Variants in PLIN3 observed in about 807,000 individuals in gnomAD.
PLIN3 encodes the protein perilipin-3.
In PLIN3, 30 loss-of-function variants were observed where a neutral mutation model predicts 35.9. That is an observed-to-expected ratio of 0.84 (90% CI 0.62 to 1.13). The LOEUF (loss-of-function observed/expected upper bound fraction) is 1.13. Ranked by LOEUF, PLIN3 falls within the 50% of genes most tolerant of loss-of-function variation. The probability of loss-of-function intolerance (pLI) is 0.00; values close to 1 mark genes in which losing one functional copy is unlikely to be tolerated. For missense variants in PLIN3, 603 were observed against 596.9 expected, an observed-to-expected ratio of 1.01 and a Z score of -0.11; for synonymous variants, 261 against 262.5, an observed-to-expected ratio of 0.99 and a Z score of 0.06.
chr19:4,861,937 CTTTT>C (rs557508442), intron 1 of PLIN3, among the ~76,000 whole-genome samples: 1 of 142,578 alleles, frequency 7.0e-6, no homozygotes, highest in African/African-American at 2.6e-5. Context: ...CTGATCCTTT[CTTTT>C]TTTTTTTTCT....
At chr19:4,845,837 T>C (rs934236113) in intron 6 of PLIN3, among the ~76,000 whole-genome samples, 1 of 143,448 alleles carries the variant, frequency 7.0e-6, no homozygotes, top group Non-Finnish European at 1.5e-5. Context: ...GGCAAGAGAA[T>C]GGTGTGAACC....
At chr19:4,850,244 G>A (rs1183128057) in intron 5 of PLIN3, among the ~76,000 whole-genome samples, 1 of 150,374 alleles carries the variant, frequency 6.7e-6, no homozygotes, top group Non-Finnish European at 1.5e-5. Flanking sequence ...GCGCCCAGCT[G>A]CATGTATTTA....
At chr19:4,853,846 G>A (rs1392463910) in intron 4 of PLIN3, among the ~76,000 whole-genome samples, 1 of 151,364 alleles carries the variant, frequency 6.6e-6, no homozygotes, top group African/African-American at 2.4e-5. Context: ...ACAAAAAAAA[G>A]CTTTGCATGG....
intron 1 of PLIN3, among the ~76,000 whole-genome samples, chr19:4,862,038 A>G (rs996759854): frequency 4.6e-5 from 7 of 151,142 alleles, no homozygotes; most frequent in Admixed American, 4.0e-4. Context: ...TCCTGGGCTT[A>G]AGGGATCCTC....
At chr19:4,853,036 A>T (rs1599167458) in intron 4 of PLIN3, among the ~76,000 whole-genome samples, 2 of 150,552 alleles carry the variant, frequency 1.3e-5, no homozygotes, top group African/African-American at 4.9e-5. Flanking sequence ...CTGGTCTCAA[A>T]CTCCTGACCT....
In PLIN3 at chr19:4,839,332, G is replaced by A. The variant is rs1422315015; in HGVS notation, c.1165C>T (p.Gln389Ter). 6.2e-6 allele frequency: 10 copies of A among 1,613,876 alleles called. No individual in the cohort carries two copies. Among genetic ancestry groups the A allele is most frequent in the Non-Finnish European group, 8.5e-6 (10 of 1,179,944 alleles). ...GCGCTGGCGACACGCTCACGGCTCT[G>A]GGCCAGAATGCTGCTGGACAGGTCC... is the stretch of plus-strand genomic sequence containing the variant. ...FQDLSSSILA[Q>*]SRERVASARE... Residue 389 changes from glutamine to a stop codon, truncating the protein, a stop_gained, in exon 8 of 8, where the codon CAG becomes TAG. Coordinates refer to ENST00000221957, the MANE Select transcript of PLIN3 (RefSeq NM_005817.5). LOFTEE classifies it low-confidence loss of function (END_TRUNC).
At chr19:4,855,460 C>T (rs554378266) in intron 4 of PLIN3, among the ~76,000 whole-genome samples, 14 of 152,082 alleles carry the variant, frequency 9.2e-5, no homozygotes, top group African/African-American at 2.9e-4. Flanking sequence ...CAGTTTCCAT[C>T]CCCCCTCAGC....
chr19:4,853,555 C>T (rs1395659669), intron 4 of PLIN3, among the ~76,000 whole-genome samples: 1 of 151,960 alleles, frequency 6.6e-6, no homozygotes, highest in East Asian at 1.9e-4. Context: ...GAACTCCTGA[C>T]ATCAGGGGAT....
chr19:4,852,001 G>T lies in PLIN3; in HGVS notation c.634+15C>A. On this transcript the variant is annotated intron_variant, in intron 5 of 7. Transcript: ENST00000221957. Reference sequence around the variant, plus strand: ...CTGGGGAGGGGTCCCAGAGCAGCCCGCTGGCCACACTTACCCAGTTCGGCA... The same window carrying T: ...CTGGGGAGGGGTCCCAGAGCAGCCCTCTGGCCACACTTACCCAGTTCGGCA... 6.2e-7 allele frequency: 1 copy of T among 1,606,540 alleles called. No individual in the cohort carries two copies. Among genetic ancestry groups the T allele is most frequent in the Non-Finnish European group, 8.5e-7 (1 of 1,175,124 alleles).
Position 4,852,103 on chromosome 19 carries a change from G to C in PLIN3, c.547C>G (p.Gln183Glu). 6.2e-7 allele frequency: 1 copy of C among 1,613,996 alleles called. No homozygotes were observed. Among genetic ancestry groups the C allele is most frequent in the Non-Finnish European group, 8.5e-7 (1 of 1,179,948 alleles). Reference protein sequence around the residue: ...VQSVMGSRLGQMVLSGVDTVL... With the variant: ...VQSVMGSRLGEMVLSGVDTVL... Reference sequence around the variant, plus strand: ...GTGTCGACCCCACTCAACACCATCTGGCCCAAGCGGGAGCCCATGACCGAT... The same window carrying C: ...GTGTCGACCCCACTCAACACCATCTCGCCCAAGCGGGAGCCCATGACCGAT... The change falls in exon 5 of 8, where the codon CAG (glutamine) becomes GAG (glutamate). Residue 183 changes from glutamine (Q) to glutamate (E), a missense_variant. Transcript: ENST00000221957.
rs571783588 is a variant in PLIN3 at position 4,859,984 on chromosome 19, C to T, written c.107G>A (p.Ser36Asn). The change falls in exon 3 of 8, where the codon AGC (serine) becomes AAC (asparagine). Residue 36 changes from serine to asparagine, a missense_variant. Physicochemically the swap from Ser to Asn is conservative, Grantham distance 46. Coordinates refer to ENST00000221957, the MANE Select transcript of PLIN3 (RefSeq NM_005817.5). Reference sequence around the variant, plus strand: ...TGCGGACACCATGTCGCAGGTGGAGCTGATCAGAGGCATGCTGGCCACACG... The same window carrying T: ...TGCGGACACCATGTCGCAGGTGGAGTTGATCAGAGGCATGCTGGCCACACG... ...VDRVASMPLI[S>N]STCDMVSAAY... The T allele has an allele frequency of 6.6e-5, 107 of 1,614,114 alleles. 2 individuals carry two copies. Among genetic ancestry groups the T allele is most frequent in the Admixed American group, 1.0e-4 (6 of 60,004 alleles).
Position 4,863,516 on chromosome 19 carries a change from G to T in PLIN3, c.-17-2105C>A, listed in dbSNP as rs148081165. Among the ~76,000 whole-genome samples, 1,193 of 135,876 alleles carry T rather than the reference G, an allele frequency of 8.8e-3. 22 individuals are homozygous for T. The highest frequency in any genetic ancestry group is 0.031 in the African/African-American group (1,108 of 35,952). The allele number at this position is 135,876 out of a possible 152,430, so 89.1% of individuals were successfully genotyped here. ...CTGTCTCAAAAAAAAAAAAAAAAGA[G>T]ATTTAAATGTAACTCACATGGGCCA... On this transcript the variant is annotated intron_variant, in intron 1 of 7. Transcript: ENST00000221957.
Position 4,851,964 on chromosome 19 carries a change from C to T in PLIN3, c.634+52G>A, listed in dbSNP as rs79331058. Reference sequence around the variant, plus strand: ...ACCCCAGGAGGCCGACAGCGGCTTCCGGTCAGGGGGCCTGGGGAGGGGTCC... The same window carrying T: ...ACCCCAGGAGGCCGACAGCGGCTTCTGGTCAGGGGGCCTGGGGAGGGGTCC... On this transcript the variant is annotated intron_variant, in intron 5 of 7. Coordinates refer to ENST00000221957, the MANE Select transcript of PLIN3 (RefSeq NM_005817.5). The T allele has an allele frequency of 4.9e-3, 7,623 of 1,565,178 alleles. 306 individuals carry two copies. The African/African-American group carries it at 0.088, about 18-fold the overall frequency.
chr19:4,865,484 G>T (rs1043792973), intron 1 of PLIN3, among the ~76,000 whole-genome samples: 1 of 144,926 alleles, frequency 6.9e-6, no homozygotes. Context: ...GGGAGACTCC[G>T]TTTCAAAAAA....
At chr19:4,849,149 T>G (rs546213823) in intron 5 of PLIN3, among the ~76,000 whole-genome samples, 1 of 151,946 alleles carries the variant, frequency 6.6e-6, no homozygotes, top group East Asian at 1.9e-4. Flanking sequence ...ATTTTTGTAC[T>G]TTTTGTAGGA....
chr19:4,847,608 G>A lies in PLIN3; in HGVS notation c.834+83C>T. ...GCCCTGCCAGCCTGCAGAGGGGTGA[G>A]CAATAAGCCACTGAGCTCTGGGTGG... On this transcript the variant is annotated intron_variant, in intron 6 of 7. Transcript: ENST00000221957. The A allele has an allele frequency of 2.6e-6, 3 of 1,172,410 alleles. No individual in the cohort carries two copies. In the South Asian group the frequency reaches 4.0e-5, roughly 15 times the overall value. 72.6% of individuals were successfully genotyped at this position (1,172,410 alleles called of 1,614,324 possible).
At chr19:4,846,887 A>AT (rs2030116499) in intron 6 of PLIN3, among the ~76,000 whole-genome samples, 2 of 143,550 alleles carry the variant, frequency 1.4e-5, no homozygotes, top group African/African-American at 5.2e-5. Flanking sequence ...AGACAGTACG[A>AT]ATTTTTTTTT....
intron 4 of PLIN3, among the ~76,000 whole-genome samples, chr19:4,857,552 G>C (rs997371005): frequency 3.3e-5 from 5 of 152,032 alleles, no homozygotes; most frequent in African/African-American, 1.2e-4. Flanking sequence ...CTGGGTGACA[G>C]AGTGAGAACC....
intron 6 of PLIN3, among the ~76,000 whole-genome samples, chr19:4,847,430 T>C (rs975677699): frequency 6.6e-6 from 1 of 152,050 alleles, no homozygotes; most frequent in Non-Finnish European, 1.5e-5. Context: ...CCTGGACTCA[T>C]GCGATCCTCC....
Sources: gnomAD v4.1 joint callset for allele counts (sites outside exome capture counted in the v4.1 genomes callset) on GRCh38, gnomAD v4.1.1 for gene constraint, MANE v1.5 for transcripts, NCBI Gene and HGNC (gene_info 2026-07-23, HGNC 2026-07-21) for gene names.